Variants in VRTN observed in about 807,000 individuals in gnomAD.
VRTN encodes vertebrae development associated.
In VRTN, 5 loss-of-function variants were observed where a neutral mutation model predicts 18.2. That is an observed-to-expected ratio of 0.27 (90% CI 0.14 to 0.58). The LOEUF is 0.58. Among genes scored for constraint, VRTN ranks in the 20% least tolerant of loss-of-function variants. The pLI is 0.91. For synonymous variants in VRTN, 381 were observed against 393.7 expected (o/e 0.97, Z 0.38); for missense variants, 741 against 939.4 (o/e 0.79, Z 2.76).
Position 74,358,017 on chromosome 14 carries a change from T to C in VRTN, c.1234T>C (p.Cys412Arg). The C allele has an allele frequency of 1.2e-6, 2 of 1,614,184 alleles. No homozygotes were observed. Among genetic ancestry groups the C allele is most frequent in the Admixed American group, 1.7e-5 (1 of 60,022 alleles). Residue 412 changes from cysteine (C) to arginine (R), a missense_variant, in exon 2 of 2, where the codon TGC (cysteine) becomes CGC (arginine). Physicochemically the swap from Cys to Arg is radical, Grantham distance 180. Coordinates refer to ENST00000256362, the MANE Select transcript of VRTN (RefSeq NM_018228.3). The surrounding 1 kb of genome is among the most constrained non-coding windows in gnomAD (Gnocchi z 5.4). ...GCGGGCCAAGTTGTACCTGGAGCATTGCATCTCCCTGAACACACTGGTACC... is the reference window on the plus strand; with the variant it reads ...GCGGGCCAAGTTGTACCTGGAGCATCGCATCTCCCTGAACACACTGGTACC... ...MQRAKLYLEH[C>R]ISLNTLVPYR...
In VRTN at chr14:74,359,321, C is replaced by T. The variant is rs181913506; in HGVS notation, c.*429C>T. 37 of 172,008 alleles carry T rather than the reference C, an allele frequency of 2.2e-4. No individual in the cohort carries two copies. The East Asian group carries it at 6.6e-3, about 31-fold the overall frequency. The allele number at this position is 172,008 out of a possible 1,614,324, so 10.7% of individuals were successfully genotyped here. On this transcript the variant is annotated 3_prime_UTR_variant, in exon 2 of 2. Coordinates refer to ENST00000256362, the MANE Select transcript of VRTN (RefSeq NM_018228.3). ...TGATCATCGGTCCCACTGGGCAGAA[C>T]GTTATCTTCAGTTTCTTTTGGGGGT... is the stretch of plus-strand genomic sequence containing the variant.
intron 1 of VRTN, among the ~76,000 whole-genome samples, chr14:74,332,445 C>G (rs1397199444): frequency 7.0e-6 from 1 of 143,642 alleles, no homozygotes; most frequent in Non-Finnish European, 1.5e-5. Flanking sequence ...ACTTCCGCCT[C>G]CCGGGTTCAA....
upstream of VRTN, among the ~76,000 whole-genome samples, chr14:74,345,304 C>CA (rs2085636224): frequency 6.6e-6 from 1 of 151,500 alleles, no homozygotes; most frequent in Admixed American, 6.6e-5. Context: ...CTTGGCCTCC[C>CA]AACGTGCTGG....
At chr14:74,333,900 T>C (rs1334415121) in intron 1 of VRTN, among the ~76,000 whole-genome samples, 1 of 152,002 alleles carries the variant, frequency 6.6e-6, no homozygotes, top group East Asian at 1.9e-4. Flanking sequence ...AACATTTGAG[T>C]GTTCACTATA....
chr14:74,323,717 C>A (rs578103979), intron 1 of VRTN, among the ~76,000 whole-genome samples: 2 of 152,096 alleles, frequency 1.3e-5, no homozygotes, highest in Non-Finnish European at 2.9e-5. Context: ...CCAAAGAATT[C>A]CATGCAATAC....
intron 1 of VRTN, among the ~76,000 whole-genome samples, chr14:74,331,544 T>TTATA (rs1169929236): frequency 0.063 from 2,661 of 42,358 alleles, 180 homozygotes; most frequent in Non-Finnish European, 0.086. Context: ...AAAAAAAATT[T>TTATA]TATATATATA....
intron 1 of VRTN, among the ~76,000 whole-genome samples, chr14:74,322,449 C>A (rs1182062075): frequency 6.6e-6 from 1 of 152,172 alleles, no homozygotes; most frequent in Non-Finnish European, 1.5e-5. Context: ...TGCACCTGGC[C>A]TATTTAAATT....
Position 74,358,523 on chromosome 14 carries a change from T to C in VRTN, c.1740T>C (p.Ala580=). The C allele has an allele frequency of 6.2e-7, 1 of 1,613,840 alleles. No individual in the cohort carries two copies. The highest frequency in any genetic ancestry group is 8.5e-7 in the Non-Finnish European group (1 of 1,179,832). Residue 580 remains alanine, a synonymous_variant, in exon 2 of 2, where the codon GCT becomes GCC. Coordinates refer to ENST00000256362, the MANE Select transcript of VRTN (RefSeq NM_018228.3). This position sits in a 1 kb window ranked among gnomAD's most constrained non-coding sequence, Gnocchi z 5.4. ...CTGAGGAGAAGCAGGAGAAGGAGGC[T>C]GGCAGGGATGTGACAGCTGTGATGG... ...QEAEEKQEKE[A]GRDVTAVMAP... is the part of the protein sequence containing the mutation.
intron 1 of VRTN, among the ~76,000 whole-genome samples, chr14:74,308,235 C>G (rs1182740445): frequency 6.6e-6 from 1 of 152,078 alleles, no homozygotes; most frequent in Non-Finnish European, 1.5e-5. Flanking sequence ...GGCAACATAG[C>G]TAGACCCCCA....
upstream of VRTN, among the ~76,000 whole-genome samples, chr14:74,345,925 CA>C (rs754493021): frequency 3.8e-3 from 249 of 65,574 alleles, no homozygotes; most frequent in Middle Eastern, 0.013. Flanking sequence ...ACTCCATCTC[CA>C]AAAAAAAAAA....
At chr14:74,343,831 C>A (rs1261921227), upstream of VRTN, among the ~76,000 whole-genome samples, 1 of 151,960 alleles carries the variant, frequency 6.6e-6, no homozygotes, top group Non-Finnish European at 1.5e-5. Flanking sequence ...GAGTCTCACT[C>A]TGTCACCAGG....
chr14:74,331,402 G>T (rs2085522336), intron 1 of VRTN, among the ~76,000 whole-genome samples: 1 of 150,006 alleles, frequency 6.7e-6, no homozygotes, highest in African/African-American at 2.4e-5. Flanking sequence ...GGTAGCAGGT[G>T]CCTGTAATTC....
chr14:74,356,953 A>G lies in VRTN; in HGVS notation c.170A>G (p.Glu57Gly). 6.2e-7 allele frequency: 1 copy of G among 1,613,926 alleles called. No homozygotes were observed. Among genetic ancestry groups the G allele is most frequent in the Non-Finnish European group, 8.5e-7 (1 of 1,179,940 alleles). ...GGAGGCCCTGGCCTCCAGGTGCTGGAAGTGGACTCGGTGGCCCTGAGCCTG... is the reference window on the plus strand; with the variant it reads ...GGAGGCCCTGGCCTCCAGGTGCTGGGAGTGGACTCGGTGGCCCTGAGCCTG... ...REGGPGLQVL[E>G]VDSVALSLYP... The change falls in exon 2 of 2, where the codon GAA becomes GGA. Residue 57 changes from glutamate to glycine, a missense_variant. Transcript: ENST00000256362.
At chr14:74,350,380 A>G (rs570866287) in intron 1 of VRTN, among the ~76,000 whole-genome samples, 2 of 150,324 alleles carry the variant, frequency 1.3e-5, no homozygotes, top group East Asian at 4.0e-4. Context: ...TGGGAAGAGT[A>G]GATAGGGTGG....
At chr14:74,315,253 G>A (rs758323869) in intron 1 of VRTN, among the ~76,000 whole-genome samples, 15 of 151,960 alleles carry the variant, frequency 9.9e-5, no homozygotes, top group African/African-American at 2.2e-4. Context: ...TCACTCTGTC[G>A]CCCAGGCTGG....
upstream of VRTN, among the ~76,000 whole-genome samples, chr14:74,347,108 T>C (rs553283548): frequency 6.6e-6 from 1 of 152,370 alleles, no homozygotes; most frequent in South Asian, 2.1e-4. Flanking sequence ...ACACTTTCTT[T>C]GTACCAAGCA....
intron 1 of VRTN, among the ~76,000 whole-genome samples, chr14:74,327,896 T>C (rs1339125122): frequency 6.6e-6 from 1 of 151,986 alleles, no homozygotes; most frequent in African/African-American, 2.4e-5. Flanking sequence ...AATTTTTGTC[T>C]TTTTAGTAGA....
intron 1 of VRTN, among the ~76,000 whole-genome samples, chr14:74,333,546 A>G (rs2085542829): frequency 6.6e-6 from 1 of 151,426 alleles, no homozygotes; most frequent in Non-Finnish European, 1.5e-5. Context: ...GAATAATAAC[A>G]TTAAAACAAC....
In VRTN at chr14:74,358,767, C is replaced by A. The variant is rs138382688; in HGVS notation, c.1984C>A (p.Arg662Ser). 1.2e-6 allele frequency: 2 copies of A among 1,614,220 alleles called. No individual in the cohort carries two copies. Among genetic ancestry groups the A allele is most frequent in the Non-Finnish European group, 1.7e-6 (2 of 1,180,048 alleles). The stretch of plus-strand genomic sequence containing the variant: ...CCAGGCCAAGCTGTTCTTGCAGAAG[C>A]GCTTCCAGTCCAAGAGCTTTCCCTC... The part of the protein sequence containing the change: ...KAQAKLFLQK[R>S]FQSKSFPSYK... Residue 662 changes from arginine (R) to serine (S), a missense_variant, in exon 2 of 2, where the codon CGC becomes AGC. By Grantham distance (110) the Arg-to-Ser change is moderately radical. This residue lies in a region of VRTN where 61 missense variants were observed against 104.6 expected (regional missense o/e 0.58). Coordinates refer to ENST00000256362, the MANE Select transcript of VRTN (RefSeq NM_018228.3). The surrounding 1 kb of genome is among the most constrained non-coding windows in gnomAD (Gnocchi z 5.4).
Sources: gnomAD v4.1 joint callset for allele counts (sites outside exome capture counted in the v4.1 genomes callset) on GRCh38, gnomAD v4.1.1 for gene constraint, gnomAD v4.1.1 regional missense constraint, Gnocchi (gnomAD v3.1) non-coding constraint, MANE v1.5 for transcripts, NCBI Gene and HGNC (gene_info 2026-07-23, HGNC 2026-07-21) for gene names.